The following CDYL variants were observed in gnomAD, a reference collection of about 807,000 sequenced individuals.
The protein encoded by CDYL is chromodomain Y like, also known as chromodomain Y-like protein.
A neutral mutation model predicts 47.3 loss-of-function variants in CDYL; 8 were observed. The observed-to-expected ratio is 0.17, with a 90% CI of 0.10 to 0.31. The LOEUF (loss-of-function observed/expected upper bound fraction) is 0.31. Ranked by LOEUF, CDYL falls within the 10% of genes least tolerant of loss-of-function variation. CDYL has a pLI of 1.00. For missense variants in CDYL, 471 were observed against 701.4 expected, an observed-to-expected ratio of 0.67 and a Z score of 3.71; for synonymous variants, 266 against 265.0, an observed-to-expected ratio of 1.00 and a Z score of -0.04.
At chr6:4,867,970 G>A (rs1761368984) in intron 1 of CDYL, among the ~76,000 whole-genome samples, 1 of 151,826 alleles carries the variant, frequency 6.6e-6, no homozygotes, top group African/African-American at 2.4e-5. Flanking sequence ...TTTCATTTCT[G>A]ATATGGGTTA....
chr6:4,919,377 G>A (rs1757647020), intron 2 of CDYL, among the ~76,000 whole-genome samples: 1 of 152,170 alleles, frequency 6.6e-6, no homozygotes, highest in Non-Finnish European at 1.5e-5. Context: ...ATTGGCTAGA[G>A]ATTCTTGCAC....
At chr6:4,875,456 G>A (rs746665084) in intron 1 of CDYL, among the ~76,000 whole-genome samples, 11 of 151,984 alleles carry the variant, frequency 7.2e-5, no homozygotes, top group Non-Finnish European at 1.3e-4. Flanking sequence ...ATGGCATGTC[G>A]CCCAATTTAT....
chr6:4,941,837 G>C (rs1172179586), intron 4 of CDYL, among the ~76,000 whole-genome samples: 4 of 152,196 alleles, frequency 2.6e-5, no homozygotes, highest in Admixed American at 1.3e-4. Flanking sequence ...TGTCAGCCTG[G>C]GCAACGGCTA....
chr6:4,952,652 T>C (rs2127530632), intron 6 of CDYL, among the ~76,000 whole-genome samples: 1 of 152,268 alleles, frequency 6.6e-6, no homozygotes, highest in Non-Finnish European at 1.5e-5. Context: ...AGTTAGCAAA[T>C]GTCCTATGAA....
chr6:4,917,546 T>C (rs17138966), intron 2 of CDYL, among the ~76,000 whole-genome samples: 13,307 of 152,260 alleles, frequency 0.087, 1,470 homozygotes, highest in African/African-American at 0.26. Context: ...TTAAAATTAA[T>C]GTAAATGTTA....
chr6:4,727,779 G>T (rs1757541858), intron 2 of CDYL, among the ~76,000 whole-genome samples: 1 of 152,158 alleles, frequency 6.6e-6, no homozygotes. Flanking sequence ...GAGGATTTCA[G>T]CTGCCACCTG....
chr6:4,858,059 T>C (rs1761060736), intron 1 of CDYL, among the ~76,000 whole-genome samples: 1 of 144,536 alleles, frequency 6.9e-6, no homozygotes, highest in African/African-American at 2.5e-5. Flanking sequence ...AGGCTCTGCC[T>C]CCTTCACTTA....
intron 1 of CDYL, among the ~76,000 whole-genome samples, chr6:4,842,480 A>G (rs1307072936): frequency 6.6e-6 from 1 of 151,736 alleles, no homozygotes; most frequent in Non-Finnish European, 1.5e-5. Context: ...TAGGATTGTG[A>G]TATTTTTCTG....
intron 2 of CDYL, 52 bp downstream of exon 2, chr6:4,892,431 G>A: frequency 1.3e-6 from 2 of 1,525,330 alleles, no homozygotes; most frequent in Non-Finnish European, 1.8e-6. Flanking sequence ...GAGGGCTCGG[G>A]TCCTTCTCTA....
At chr6:4,760,372 C>CAA (rs35627666) in intron 3 of CDYL, among the ~76,000 whole-genome samples, 12,952 of 103,432 alleles carry the variant, frequency 0.13, 642 homozygotes, top group South Asian at 0.17. Flanking sequence ...CACAGCAATA[C>CAA]AAAAAAAAAA....
chr6:4,923,403 CT>C (rs950155552), intron 2 of CDYL, among the ~76,000 whole-genome samples: 2 of 152,270 alleles, frequency 1.3e-5, no homozygotes, highest in African/African-American at 4.8e-5. Context: ...GGATTTCACT[CT>C]TTTTTTAAGG....
chr6:4,936,061 G>C (rs1011786288), intron 3 of CDYL, among the ~76,000 whole-genome samples: 1 of 152,202 alleles, frequency 6.6e-6, no homozygotes, highest in Non-Finnish European at 1.5e-5. Context: ...CTCCTGCCTG[G>C]AAGCTCTTCA....
intron 3 of CDYL, among the ~76,000 whole-genome samples, chr6:4,750,998 A>C (rs748015707): frequency 1.3e-5 from 2 of 150,962 alleles, no homozygotes; most frequent in African/African-American, 4.9e-5. Flanking sequence ...GACTACAGGC[A>C]CCCGCCACCA....
Position 4,937,615 on chromosome 6 carries a change from C to T in CDYL, c.999C>T (p.Ser333=). The T allele has an allele frequency of 1.2e-6, 2 of 1,606,176 alleles. No individual in the cohort carries two copies. Among genetic ancestry groups the T allele is most frequent in the Non-Finnish European group, 1.7e-6 (2 of 1,177,006 alleles). The part of the protein sequence containing the change: ...SALSTAAADD[S]KLVLLSAVGS... Reference sequence around the variant, plus strand: ...TGAGCACGGCCGCTGCCGATGACAGCAAGCTGGTACTGCTCAGCGCCGTTG... The same window carrying T: ...TGAGCACGGCCGCTGCCGATGACAGTAAGCTGGTACTGCTCAGCGCCGTTG... Residue 333 remains serine, a synonymous_variant, in exon 4 of 7, where the codon AGC becomes AGT. Transcript: ENST00000397588.
intron 1 of CDYL, among the ~76,000 whole-genome samples, chr6:4,712,011 G>A (rs1013438862): frequency 1.3e-5 from 2 of 152,150 alleles, no homozygotes; most frequent in Admixed American, 6.5e-5. Context: ...GCTGCAGTGA[G>A]CCATAACCAC....
At chr6:4,854,577 T>C (rs1384475615) in intron 1 of CDYL, among the ~76,000 whole-genome samples, 1 of 152,186 alleles carries the variant, frequency 6.6e-6, no homozygotes, top group East Asian at 1.9e-4. Context: ...GGCAGGTGTT[T>C]TCAAATGGCA....
chr6:4,773,088 G>A (rs903602985), upstream of CDYL: 15 of 457,054 alleles, frequency 3.3e-5, no homozygotes, highest in African/African-American at 1.6e-4. This position sits in a 1 kb window ranked among gnomAD's most constrained non-coding sequence, Gnocchi z 4.6. Context: ...GAGTCTTATC[G>A]TCGGTAGAAC....
intron 1 of CDYL, among the ~76,000 whole-genome samples, chr6:4,802,820 A>T (rs948365425): frequency 1.3e-5 from 1 of 75,544 alleles, no homozygotes; most frequent in Non-Finnish European, 2.4e-5. Context: ...GGTTGTGTGC[A>T]CTTGTGCAGG....
intron 3 of CDYL, among the ~76,000 whole-genome samples, chr6:4,760,372 CA>C (rs35627666): frequency 0.14 from 14,432 of 103,448 alleles, 780 homozygotes; most frequent in Middle Eastern, 0.25. Flanking sequence ...CACAGCAATA[CA>C]AAAAAAAAAA....
Sources: gnomAD v4.1 joint callset for allele counts (sites outside exome capture counted in the v4.1 genomes callset) on GRCh38, gnomAD v4.1.1 for gene constraint, Gnocchi (gnomAD v3.1) non-coding constraint, MANE v1.5 for transcripts, NCBI Gene and HGNC (gene_info 2026-07-23, HGNC 2026-07-21) for gene names.